The following RFLNA variants were observed in gnomAD, a reference collection of about 807,000 sequenced individuals.
The protein encoded by RFLNA is refilin A.
RFLNA carries 5 observed loss-of-function variants against 7.8 expected under a neutral mutation model. The ratio of observed to expected loss-of-function variants is 0.64; its 90% CI spans 0.34 to 1.35. The LOEUF (loss-of-function observed/expected upper bound fraction) is 1.35. Among genes scored for constraint, RFLNA ranks in the 40% most tolerant of loss-of-function variants. RFLNA has a pLI of 0.04. For missense variants in RFLNA, 278 were observed against 305.5 expected (o/e 0.91, Z 0.67); for synonymous variants, 141 against 131.3 (o/e 1.07, Z -0.50).
At position 124,295,577 on chromosome 12, in the gene RFLNA, G is replaced by C; in HGVS notation, c.148G>C (p.Ala50Pro). 9.1e-7 allele frequency: 1 copy of C among 1,103,750 alleles called. No homozygotes were observed. The allele number at this position is 1,103,750 out of a possible 1,614,324, so 68.4% of individuals were successfully genotyped here. A position where few individuals can be genotyped will look rare whatever the true frequency, so the allele number is the denominator to read the frequency against. Residue 50 changes from alanine to proline, a missense_variant, in exon 1 of 3, where the codon GCG becomes CCG. Coordinates refer to ENST00000546355, the MANE Select transcript of RFLNA (RefSeq NM_001365156.1). ...CTCCCTGGCGCCCGGCATCCTCGACGCGCGCGCGGGGGGCGCCGGCGCCTC... is the reference window on the plus strand; with the variant it reads ...CTCCCTGGCGCCCGGCATCCTCGACCCGCGCGCGGGGGGCGCCGGCGCCTC... Reference protein sequence around the residue: ...FYSLAPGILDARAGGAGASSE... With the variant: ...FYSLAPGILDPRAGGAGASSE...
chr12:124,293,882 C>T (rs183250563), upstream of RFLNA, among the ~76,000 whole-genome samples: 6 of 152,172 alleles, frequency 3.9e-5, no homozygotes, highest in Non-Finnish European at 7.4e-5. Context: ...CTTTGAAAAT[C>T]GCCTCCTCCA....
chr12:124,311,759 G>T (rs1347882135), intron 1 of RFLNA, 59 bp from the exon 2 acceptor site: 1 of 1,427,542 alleles, frequency 7.0e-7, no homozygotes, highest in Non-Finnish European at 9.3e-7. Flanking sequence ...GCCCAGCAGG[G>T]AGCTGAGGCC....
At position 124,295,525 on chromosome 12, in the gene RFLNA, C is replaced by T; in HGVS notation, c.96C>T (p.Pro32=). Residue 32 remains proline (P), a synonymous_variant, in exon 1 of 3, where the codon CCC becomes CCT. Coordinates refer to ENST00000546355, the MANE Select transcript of RFLNA (RefSeq NM_001365156.1). ...ACAGCCCCGACTCCGGGCTGCCCCC[C>T]AGCCCCAGCCCCAGCCCGCCCTTCT... The part of the protein sequence containing the change: ...LLDSPDSGLP[P]SPSPSPPFYS... 2 of 1,261,408 alleles carry T rather than the reference C, an allele frequency of 1.6e-6. No homozygotes were observed. The highest frequency in any genetic ancestry group is 1.5e-5 in the African/African-American group (1 of 64,646). 78.1% of individuals were successfully genotyped at this position (1,261,408 alleles called of 1,614,324 possible).
chr12:124,290,484 T>C (rs1456693974), upstream of RFLNA, among the ~76,000 whole-genome samples: 1 of 151,532 alleles, frequency 6.6e-6, no homozygotes, highest in African/African-American at 2.4e-5. The surrounding 1 kb of genome is among the most constrained non-coding windows in gnomAD (Gnocchi z 4.0). Flanking sequence ...TGCTTGTGTG[T>C]ACACATGTGT....
rs1299170176 is a variant in RFLNA at position 124,306,793 on chromosome 12, G to A, written c.208-5025G>A. Among the ~76,000 whole-genome samples, 1 of 152,184 alleles carries A rather than the reference G, an allele frequency of 6.6e-6. No homozygotes were observed. The highest frequency in any genetic ancestry group is 1.9e-4 in the East Asian group (1 of 5,192). On this transcript the variant is annotated intron_variant, in intron 1 of 2. Transcript: ENST00000546355. This position sits in a 1 kb window ranked among gnomAD's most constrained non-coding sequence, Gnocchi z 5.2. ...CTCTGCATCCTCATTGTCCAGGCAG[G>A]TATGGGGGCGGCGGGGAGGGGACAG...
In RFLNA at chr12:124,314,907, G is replaced by C. The variant is rs2135697792; in HGVS notation, c.*382G>C. ...GACAGAGGCATCCCAGCCTCAGCCG[G>C]TGGGGACGGCTGCCACTCCCCCAGA... is the stretch of plus-strand genomic sequence containing the variant. On this transcript the variant is annotated 3_prime_UTR_variant, in exon 3 of 3. Transcript: ENST00000546355. 7.7e-6 allele frequency: 3 copies of C among 388,936 alleles called. No homozygotes were observed. Among genetic ancestry groups the C allele is most frequent in the Non-Finnish European group, 1.5e-5 (3 of 198,972 alleles). 24.1% of individuals were successfully genotyped at this position (388,936 alleles called of 1,614,324 possible).
chr12:124,302,239 T>C (rs1280852580), intron 1 of RFLNA, among the ~76,000 whole-genome samples: 2 of 152,162 alleles, frequency 1.3e-5, no homozygotes, highest in African/African-American at 2.4e-5. Flanking sequence ...CTTATCTTTG[T>C]GGGGGACACA....
chr12:124,302,882 G>T (rs533414487), intron 1 of RFLNA, among the ~76,000 whole-genome samples: 308 of 152,200 alleles, frequency 2.0e-3, no homozygotes, highest in African/African-American at 7.0e-3. Flanking sequence ...GAGGTCAGGG[G>T]TAGCTGTTGC....
intron 1 of RFLNA, among the ~76,000 whole-genome samples, chr12:124,308,703 G>A (rs183489372): frequency 1.3e-5 from 2 of 152,376 alleles, no homozygotes; most frequent in Admixed American, 6.5e-5. Flanking sequence ...GGGCAAACCC[G>A]GGACCTGCCC....
intron 1 of RFLNA, among the ~76,000 whole-genome samples, chr12:124,296,629 ATCC>A (rs1263477179): frequency 6.6e-6 from 1 of 152,048 alleles, no homozygotes; most frequent in East Asian, 1.9e-4. Context: ...GCCGCTGAAA[ATCC>A]TCCTCCCCAC....
chr12:124,298,500 C>T (rs578067873), intron 1 of RFLNA, among the ~76,000 whole-genome samples: 7 of 152,304 alleles, frequency 4.6e-5, no homozygotes, highest in South Asian at 2.1e-4. Context: ...GGAACATTCC[C>T]GATCACTCCC....
chr12:124,311,723 C>T, intron 1 of RFLNA, 95 bp from the exon 2 acceptor site: 2 of 1,196,566 alleles, frequency 1.7e-6, no homozygotes, highest in Non-Finnish European at 2.2e-6. Flanking sequence ...CAAGCCAGGG[C>T]CAGAGGGTGT....
intron 1 of RFLNA, among the ~76,000 whole-genome samples, chr12:124,310,176 A>AAAAAAAAAAAAAAAAAC (rs2034214673): frequency 7.5e-6 from 1 of 133,386 alleles, no homozygotes. Context: ...CTGTCTCAAA[A>AAAAAAAAAAAAAAAAAC]AAAAAAAAAA....
intron 1 of RFLNA, among the ~76,000 whole-genome samples, chr12:124,309,157 G>A (rs2034190979): frequency 6.6e-6 from 1 of 151,830 alleles, no homozygotes; most frequent in Non-Finnish European, 1.5e-5. Flanking sequence ...GGGCCCAGTG[G>A]GGGCACTCCA....
Position 124,314,148 on chromosome 12 carries a change from C to T in RFLNA, c.318-44C>T, listed in dbSNP as rs758216685. The T allele has an allele frequency of 2.5e-6, 4 of 1,577,288 alleles. No homozygotes were observed. The South Asian group carries it at 3.6e-5, about 14-fold the overall frequency. ...ATGCTGAGGGCAGGGAATCGGGCTGCCCCCAATCCTGGGTTCACTCCGCTT... is the reference window on the plus strand; with the variant it reads ...ATGCTGAGGGCAGGGAATCGGGCTGTCCCCAATCCTGGGTTCACTCCGCTT... On this transcript the variant is annotated intron_variant, in intron 2 of 2. Coordinates refer to ENST00000546355, the MANE Select transcript of RFLNA (RefSeq NM_001365156.1).
rs575581309 is a variant in RFLNA, at chr12:124,300,624, G to GTGGA, written c.207+5010_207+5013dup. On this transcript the variant is annotated intron_variant, in intron 1 of 2. Transcript: ENST00000546355. ...GATGGATGGATGGACAGAAGAATGG[G>GTGGA]TGGATGGATGGATGGATGGATGGAT... is the stretch of plus-strand genomic sequence containing the variant. 3.4e-3 allele frequency among the ~76,000 whole-genome samples: 509 copies of GTGGA among 148,730 alleles called. 1 individual carries two copies. The highest frequency in any genetic ancestry group is 7.9e-3 in the African/African-American group (321 of 40,424).
Position 124,314,177 on chromosome 12 carries a change from T to C in RFLNA, c.318-15T>C, listed in dbSNP as rs1380726799. Reference sequence around the variant, plus strand: ...CAATCCTGGGTTCACTCCGCTTCCCTCCTGCCCTTTCCAGCTGCAACTCTG... The same window carrying C: ...CAATCCTGGGTTCACTCCGCTTCCCCCCTGCCCTTTCCAGCTGCAACTCTG... On this transcript the variant is annotated splice_polypyrimidine_tract_variant and intron_variant, in intron 2 of 2. Coordinates refer to ENST00000546355, the MANE Select transcript of RFLNA (RefSeq NM_001365156.1). 1.0e-5 allele frequency: 16 copies of C among 1,605,484 alleles called. No individual in the cohort carries two copies. Among genetic ancestry groups the C allele is most frequent in the Non-Finnish European group, 1.4e-5 (16 of 1,174,910 alleles).
intron 1 of RFLNA, among the ~76,000 whole-genome samples, chr12:124,305,428 C>CT (rs1217000529): frequency 6.6e-6 from 1 of 152,266 alleles, no homozygotes; most frequent in East Asian, 1.9e-4. Flanking sequence ...GCTTAGCAGT[C>CT]TCCTTGGCTG....
chr12:124,311,708 C>A lies in RFLNA; in HGVS notation c.208-110C>A. 3.7e-6 allele frequency: 4 copies of A among 1,089,460 alleles called. No homozygotes were observed. The South Asian group carries it at 6.1e-5, about 17-fold the overall frequency. 67.5% of individuals were successfully genotyped at this position (1,089,460 alleles called of 1,614,324 possible). A position where few individuals can be genotyped will look rare whatever the true frequency, so the allele number is the denominator to read the frequency against. On this transcript the variant is annotated intron_variant, in intron 1 of 2. Coordinates refer to ENST00000546355, the MANE Select transcript of RFLNA (RefSeq NM_001365156.1). ...CTGATGGGCCCCACCAAGCAGCTTC[C>A]AGACCAAGCCAGGGCCAGAGGGTGT...
Sources: allele counts gnomAD v4.1 joint callset (sites outside exome capture counted in the v4.1 genomes callset), GRCh38; gene constraint gnomAD v4.1.1; non-coding constraint Gnocchi (gnomAD v3.1); transcripts MANE v1.5; gene names NCBI Gene and HGNC (gene_info 2026-07-23, HGNC 2026-07-21).